KPNA7: variants seen among roughly 807,000 people sequenced by gnomAD.
KPNA7 encodes the protein karyopherin subunit alpha 7, also known as importin subunit alpha-8.
KPNA7 carries 54 observed loss-of-function variants against 53.7 expected under a neutral mutation model. The ratio of observed to expected loss-of-function variants is 1.01; its 90% CI spans 0.81 to 1.26. The LOEUF is 1.26. KPNA7 is among the 50% of genes most tolerant of loss of function. The pLI is 0.00. For missense variants in KPNA7, 640 were observed against 644.5 expected (o/e 0.99, Z 0.07); for synonymous variants, 276 against 259.3 (o/e 1.06, Z -0.62).
chr7:99,183,838 A>T (rs1256518240), intron 8 of KPNA7, among the ~76,000 whole-genome samples: 1 of 152,106 alleles, frequency 6.6e-6, no homozygotes, highest in African/African-American at 2.4e-5. Context: ...ATCAGGAGAA[A>T]TAATGTTTTT....
upstream of KPNA7, among the ~76,000 whole-genome samples, chr7:99,209,837 G>A (rs181135800): frequency 9.9e-4 from 150 of 151,548 alleles, 2 homozygotes; most frequent in African/African-American, 3.5e-3. Flanking sequence ...CAAGACCCCC[G>A]TCTCTACAAA....
intron 10 of KPNA7, among the ~76,000 whole-genome samples, chr7:99,177,609 C>T (rs1798956244): frequency 1.4e-5 from 2 of 144,314 alleles, no homozygotes; most frequent in South Asian, 4.4e-4. Context: ...GTCACTTCAG[C>T]ATCAAATCCT....
intron 10 of KPNA7, among the ~76,000 whole-genome samples, chr7:99,177,142 C>A (rs1798934198): frequency 6.6e-6 from 1 of 152,122 alleles, no homozygotes; most frequent in Non-Finnish European, 1.5e-5. Context: ...AAATACTGTA[C>A]AATTCCACTC....
chr7:99,187,993 T>G (rs1789706305), intron 7 of KPNA7, among the ~76,000 whole-genome samples: 1 of 150,362 alleles, frequency 6.7e-6, no homozygotes, highest in African/African-American at 2.4e-5. Flanking sequence ...CTGGCCAACA[T>G]GGTAAAACCC....
downstream of KPNA7, among the ~76,000 whole-genome samples, chr7:99,170,470 GA>G (rs5886096): frequency 3.3e-5 from 5 of 150,956 alleles, no homozygotes; most frequent in Non-Finnish European, 5.9e-5. Flanking sequence ...GTTTCAGTGG[GA>G]AAAAAAAATG....
chr7:99,159,416 T>C, the KPNA7 span, among the ~76,000 whole-genome samples: 1 of 149,118 alleles, frequency 6.7e-6, no homozygotes, highest in Admixed American at 6.7e-5. Flanking sequence ...CAGGGGGCAG[T>C]TGGTCAGCTT....
intron 2 of KPNA7, 114 bp from the exon 3 acceptor site, chr7:99,203,354 A>T (rs960041750): frequency 9.4e-7 from 1 of 1,059,952 alleles, no homozygotes. Context: ...AATAGGCTGG[A>T]AAAGTTCAGA....
At chr7:99,201,869 G>A (rs1448294358) in intron 3 of KPNA7, among the ~76,000 whole-genome samples, 9 of 151,514 alleles carry the variant, frequency 5.9e-5, no homozygotes, top group Admixed American at 2.6e-4. Context: ...TACCACACCC[G>A]GCTAATTTTT....
chr7:99,152,304 G>A, the KPNA7 span, among the ~76,000 whole-genome samples: 4 of 150,782 alleles, frequency 2.7e-5, no homozygotes, highest in East Asian at 1.9e-4. Context: ...AGAAGTTGCC[G>A]TGAGACAAGA....
intron 10 of KPNA7, among the ~76,000 whole-genome samples, chr7:99,176,573 G>A (rs548507230): frequency 3.3e-3 from 504 of 151,946 alleles, no homozygotes; most frequent in South Asian, 5.8e-3. Flanking sequence ...TCCACTCTAG[G>A]TATATACTCC....
At chr7:99,163,206 T>A in the KPNA7 span, among the ~76,000 whole-genome samples, 3 of 151,326 alleles carry the variant, frequency 2.0e-5, no homozygotes, top group African/African-American at 7.3e-5. Context: ...GTATGTAAAT[T>A]CAACCTAGAA....
chr7:99,180,525 ATCTC>A lies in KPNA7; in HGVS notation c.1317+1354_1317+1357del, dbSNP rs1206778922. Among the ~76,000 whole-genome samples the A allele has an allele frequency of 1.2e-3, 132 of 110,928 alleles. 1 individual carries two copies. The highest frequency in any genetic ancestry group is 7.8e-4 in the African/African-American group (22 of 28,352). The allele number at this position is 110,928 out of a possible 152,430, so 72.8% of individuals were successfully genotyped here. A position where few individuals can be genotyped will look rare whatever the true frequency, so the allele number is the denominator to read the frequency against. On this transcript the variant is annotated intron_variant, in intron 9 of 10. Coordinates refer to ENST00000327442, the MANE Select transcript of KPNA7 (RefSeq NM_001145715.3). ...TCTGTCTCTCTCTCTCTGTGTCTCT[ATCTC>A]TCTGTCTCCGTCTGTCTCCGTCTGT...
chr7:99,157,197 G>A, the KPNA7 span, among the ~76,000 whole-genome samples: 1 of 151,962 alleles, frequency 6.6e-6, no homozygotes, highest in Non-Finnish European at 1.5e-5. Flanking sequence ...TTGTTCATTT[G>A]CCTTTTTCTT....
At position 99,192,981 on chromosome 7, in the gene KPNA7, A is replaced by T. The variant is rs918184934; in HGVS notation, c.636+38T>A. 7 of 1,373,866 alleles carry T rather than the reference A, an allele frequency of 5.1e-6. No individual in the cohort carries two copies. In the African/African-American group the frequency reaches 9.5e-5, roughly 19 times the overall value. 85.1% of individuals were successfully genotyped at this position (1,373,866 alleles called of 1,614,324 possible). On this transcript the variant is annotated intron_variant, in intron 6 of 10. Coordinates refer to ENST00000327442, the MANE Select transcript of KPNA7 (RefSeq NM_001145715.3). ...CTATTAAGATTATTTTAAAATTTTA[A>T]TTTAAAAAAAAAAAAAGAGAAAGAA...
intron 9 of KPNA7, among the ~76,000 whole-genome samples, chr7:99,178,325 T>G (rs1047598799): frequency 2.6e-5 from 4 of 152,064 alleles, no homozygotes; most frequent in African/African-American, 9.7e-5. Context: ...ATCCAACACT[T>G]TGGGAGGCTG....
chr7:99,148,451 T>C, the KPNA7 span, among the ~76,000 whole-genome samples: 1 of 152,352 alleles, frequency 6.6e-6, no homozygotes, highest in African/African-American at 2.4e-5. Context: ...GACAATCTGA[T>C]GGAAACTCTG....
At chr7:99,150,614 C>G in the KPNA7 span, among the ~76,000 whole-genome samples, 3 of 151,884 alleles carry the variant, frequency 2.0e-5, no homozygotes, top group African/African-American at 7.3e-5. Context: ...TGGGTTTTCT[C>G]CATGTTAGCC....
the KPNA7 span, among the ~76,000 whole-genome samples, chr7:99,154,049 A>C: frequency 6.6e-6 from 1 of 152,134 alleles, no homozygotes; most frequent in East Asian, 1.9e-4. Flanking sequence ...TTTTCTAAAT[A>C]ATCACACTTC....
At chr7:99,207,378 G>A in intron 2 of KPNA7, 23 bp downstream of exon 2, 1 of 1,548,740 alleles carries the variant, frequency 6.5e-7, no homozygotes, top group Non-Finnish European at 8.7e-7. Flanking sequence ...CCCAATAGAA[G>A]CAGGTGGGTG....
Sources: allele counts gnomAD v4.1 joint callset (sites outside exome capture counted in the v4.1 genomes callset), GRCh38; gene constraint gnomAD v4.1.1; transcripts MANE v1.5; gene names NCBI Gene and HGNC (gene_info 2026-07-23, HGNC 2026-07-21).